Variants in NUBP1 observed in about 807,000 individuals in gnomAD.
NUBP1 encodes the protein cytosolic Fe-S cluster assembly factor NUBP1.
A neutral mutation model predicts 41.8 loss-of-function variants in NUBP1; 46 were observed. The ratio of observed to expected loss-of-function variants is 1.10; its 90% CI spans 0.87 to 1.41. The LOEUF is 1.41. Ranked by LOEUF, NUBP1 falls within the 40% of genes most tolerant of loss-of-function variation. The probability of loss-of-function intolerance (pLI) is 0.00; values close to 1 mark genes in which losing one functional copy is unlikely to be tolerated. For synonymous variants in NUBP1, 189 were observed against 154.6 expected (o/e 1.22, Z -1.65); for missense variants, 494 against 414.0 (o/e 1.19, Z -1.68).
Position 10,768,637 on chromosome 16 carries a change from G to C in NUBP1, c.905-410G>C. On this transcript the variant is annotated intron_variant, in intron 10 of 10. Coordinates refer to ENST00000283027, the MANE Select transcript of NUBP1 (RefSeq NM_002484.4). The surrounding 1 kb of genome is among the most constrained non-coding windows in gnomAD (Gnocchi z 4.3). Reference sequence around the variant, plus strand: ...AATAAAAAATAAAAATAAAAACTTTGTTGAGCCAGACCAAACCCACGTGCA... The same window carrying C: ...AATAAAAAATAAAAATAAAAACTTTCTTGAGCCAGACCAAACCCACGTGCA... The C allele has an allele frequency of 5.8e-6, 1 of 172,178 alleles. No individual in the cohort carries two copies. The highest frequency in any genetic ancestry group is 1.2e-5 in the Non-Finnish European group (1 of 81,944). The allele number at this position is 172,178 out of a possible 1,614,324, so 10.7% of individuals were successfully genotyped here. A position where few individuals can be genotyped will look rare whatever the true frequency, so the allele number is the denominator to read the frequency against.
intron 5 of NUBP1, among the ~76,000 whole-genome samples, 172 bp downstream of exon 5, chr16:10,755,925 G>A (rs1300575000): frequency 6.6e-6 from 1 of 152,208 alleles, no homozygotes; most frequent in African/African-American, 2.4e-5. Context: ...GGACGGTAAA[G>A]ATTTTCAGCA....
chr16:10,747,819 T>G (rs1187108329), intron 3 of NUBP1, among the ~76,000 whole-genome samples: 1 of 152,232 alleles, frequency 6.6e-6, no homozygotes, highest in Non-Finnish European at 1.5e-5. Flanking sequence ...CGTTCACGCT[T>G]CTTTTTCCTC....
At chr16:10,755,541 G>C (rs868778841) in intron 4 of NUBP1, among the ~76,000 whole-genome samples, 180 bp from the exon 5 acceptor site, 1 of 152,210 alleles carries the variant, frequency 6.6e-6, no homozygotes, top group African/African-American at 2.4e-5. Flanking sequence ...GAGTTGAGTT[G>C]CATCTTTATT....
chr16:10,744,043 A>G lies in NUBP1; in HGVS notation c.102A>G (p.Gly34=), dbSNP rs745434799. 3 of 1,576,270 alleles carry G rather than the reference A, an allele frequency of 1.9e-6. No individual in the cohort carries two copies. The highest frequency in any genetic ancestry group is 3.9e-5 in the Admixed American group (2 of 51,574). The change falls in exon 2 of 11, where the codon GGA becomes GGG. Residue 34 remains glycine (G), a synonymous_variant. Coordinates refer to ENST00000283027, the MANE Select transcript of NUBP1 (RefSeq NM_002484.4). ...CCAACCAGCGGCTGTGCGCTTCTGGAGCGGGGGCCACTCCGGACACGGGTG... is the reference window on the plus strand; with the variant it reads ...CCAACCAGCGGCTGTGCGCTTCTGGGGCGGGGGCCACTCCGGACACGGGTG... ...GCPNQRLCAS[G]AGATPDTAIE...
chr16:10,757,066 G>A lies in NUBP1; in HGVS notation c.451+286G>A, dbSNP rs1226782279. Among the ~76,000 whole-genome samples, 4 of 152,146 alleles carry A rather than the reference G, an allele frequency of 2.6e-5. No homozygotes were observed. Among genetic ancestry groups the A allele is most frequent in the Non-Finnish European group, 4.4e-5 (3 of 68,014 alleles). Reference sequence around the variant, plus strand: ...TGTAATCCCAGCACTTTGGGAGGCCGAGGCAGGTGGATCACCTGAGGTCAG... The same window carrying A: ...TGTAATCCCAGCACTTTGGGAGGCCAAGGCAGGTGGATCACCTGAGGTCAG... On this transcript the variant is annotated intron_variant, in intron 6 of 10. Transcript: ENST00000283027. The surrounding 1 kb of genome is among the most constrained non-coding windows in gnomAD (Gnocchi z 4.1).
intron 7 of NUBP1, chr16:10,761,119 A>T: frequency 2.6e-6 from 1 of 387,604 alleles, no homozygotes; most frequent in East Asian, 5.4e-5. Flanking sequence ...GCATGGGGGA[A>T]ACTGCCCCCA....
rs1021529103 is a variant in NUBP1 at position 10,766,442 on chromosome 16, G to GT, written c.821-1506dup. Among the ~76,000 whole-genome samples, 2 of 152,184 alleles carry GT rather than the reference G, an allele frequency of 1.3e-5. No homozygotes were observed. Among genetic ancestry groups the GT allele is most frequent in the Non-Finnish European group, 2.9e-5 (2 of 68,038 alleles). ...AGGGAAAACACTAGAGCATATATGT[G>GT]TGTTGGGGGCTGGGGAGCCCTCTGG... On this transcript the variant is annotated intron_variant, in intron 9 of 10. Coordinates refer to ENST00000283027, the MANE Select transcript of NUBP1 (RefSeq NM_002484.4). The surrounding 1 kb of genome is among the most constrained non-coding windows in gnomAD (Gnocchi z 4.8).
At position 10,757,021 on chromosome 16, in the gene NUBP1, C is replaced by T. The variant is rs914324367; in HGVS notation, c.451+241C>T. Among the ~76,000 whole-genome samples, 5 of 152,136 alleles carry T rather than the reference C, an allele frequency of 3.3e-5. No individual in the cohort carries two copies. Among genetic ancestry groups the T allele is most frequent in the African/African-American group, 1.2e-4 (5 of 41,418 alleles). ...TCCTTAAAAGCTGTAGAACCCTGGT[C>T]GGGTGTGGTAGCTCACGCCTGTAAT... On this transcript the variant is annotated intron_variant, in intron 6 of 10. Transcript: ENST00000283027. This position sits in a 1 kb window ranked among gnomAD's most constrained non-coding sequence, Gnocchi z 4.1.
intron 8 of NUBP1, 32 bp from the exon 9 acceptor site, chr16:10,761,725 T>G: frequency 6.4e-7 from 1 of 1,563,092 alleles, no homozygotes; most frequent in Non-Finnish European, 8.8e-7. Flanking sequence ...GCAAAAAAAT[T>G]ATGTTTCCTC....
rs1210405875 is a variant in NUBP1 at position 10,766,626 on chromosome 16, T to G, written c.821-1323T>G. 4.7e-6 allele frequency: 1 copy of G among 214,926 alleles called. No individual in the cohort carries two copies. Among genetic ancestry groups the G allele is most frequent in the African/African-American group, 2.3e-5 (1 of 43,810 alleles). The allele number at this position is 214,926 out of a possible 1,614,324, so 13.3% of individuals were successfully genotyped here. A position where few individuals can be genotyped will look rare whatever the true frequency, so the allele number is the denominator to read the frequency against. On this transcript the variant is annotated intron_variant, in intron 9 of 10. Coordinates refer to ENST00000283027, the MANE Select transcript of NUBP1 (RefSeq NM_002484.4). The surrounding 1 kb of genome is among the most constrained non-coding windows in gnomAD (Gnocchi z 4.8). ...TGGGCCCAGCGTTAACGGCGGAGGA[T>G]GTCCAGGTTCTTGGTGTCTGGAACA...
intron 4 of NUBP1, among the ~76,000 whole-genome samples, chr16:10,754,468 C>T (rs1900466077): frequency 6.6e-6 from 1 of 151,628 alleles, no homozygotes; most frequent in Non-Finnish European, 1.5e-5. Flanking sequence ...GTCTCGAACT[C>T]CTGACCTCAG....
chr16:10,754,392 G>A (rs973547062), intron 4 of NUBP1, among the ~76,000 whole-genome samples: 15 of 152,072 alleles, frequency 9.9e-5, no homozygotes, highest in African/African-American at 2.9e-4. Context: ...ACAGACACAC[G>A]CCACCACGTC....
rs764083699 is a variant in NUBP1, at chr16:10,767,984, G to A, written c.856G>A (p.Asp286Asn). Residue 286 changes from aspartate (D) to asparagine (N), a missense_variant, in exon 10 of 11, where the codon GAC becomes AAC. Coordinates refer to ENST00000283027, the MANE Select transcript of NUBP1 (RefSeq NM_002484.4). This position sits in a 1 kb window ranked among gnomAD's most constrained non-coding sequence, Gnocchi z 4.6. The part of the protein sequence containing the change: ...NCDKGQSFFI[D>N]APDSPATLAY... The stretch of plus-strand genomic sequence containing the variant: ...TGACAAAGGCCAGTCTTTTTTCATT[G>A]ACGCCCCAGATTCCCCAGCCACGTT... The A allele has an allele frequency of 4.3e-6, 7 of 1,613,900 alleles. No homozygotes were observed. Among genetic ancestry groups the A allele is most frequent in the Non-Finnish European group, 5.1e-6 (6 of 1,179,976 alleles).
At position 10,766,762 on chromosome 16, in the gene NUBP1, G is replaced by C. The variant is rs144218218; in HGVS notation, c.821-1187G>C. The stretch of plus-strand genomic sequence containing the variant: ...CGGGCCTGAGAATAGGGGCTCAAAG[G>C]CCCCATTACAGAGTTTTTGTGTTTA... On this transcript the variant is annotated intron_variant, in intron 9 of 10. Coordinates refer to ENST00000283027, the MANE Select transcript of NUBP1 (RefSeq NM_002484.4). This position sits in a 1 kb window ranked among gnomAD's most constrained non-coding sequence, Gnocchi z 4.8. 1.3e-5 allele frequency: 5 copies of C among 396,160 alleles called. No homozygotes were observed. Among genetic ancestry groups the C allele is most frequent in the African/African-American group, 4.1e-5 (2 of 48,584 alleles). 24.5% of individuals were successfully genotyped at this position (396,160 alleles called of 1,614,324 possible).
At chr16:10,763,495 CCAA>C (rs2030342476) in intron 9 of NUBP1, 1 of 152,236 alleles carries the variant, frequency 6.6e-6, no homozygotes, top group South Asian at 2.1e-4. Flanking sequence ...TGTGATTTCC[CCAA>C]CAACATGCAG....
intron 2 of NUBP1, among the ~76,000 whole-genome samples, chr16:10,744,302 G>T (rs1184961307): frequency 1.3e-5 from 2 of 152,228 alleles, no homozygotes; most frequent in South Asian, 2.1e-4. Flanking sequence ...GAAGGACCTG[G>T]CGCGGATGGA....
At position 10,761,405 on chromosome 16, in the gene NUBP1, C is replaced by A. The variant is rs780130696; in HGVS notation, c.648C>A (p.Cys216Ter). 10 of 1,614,122 alleles carry A rather than the reference C, an allele frequency of 6.2e-6. No homozygotes were observed. The highest frequency in any genetic ancestry group is 8.5e-6 in the Non-Finnish European group (10 of 1,179,992). Residue 216 changes from cysteine (C) to a stop codon, truncating the protein, a stop_gained, in exon 8 of 11, where the codon TGC (cysteine) becomes TGA (stop). Coordinates refer to ENST00000283027, the MANE Select transcript of NUBP1 (RefSeq NM_002484.4). LOFTEE classifies it high-confidence loss of function. ...ATGTCCGGAAAGAAATCAACTTCTG[C>A]CGCAAGGTGAAGCTGCCCATCATCG... Reference protein sequence around the residue: ...LQDVRKEINFCRKVKLPIIGV... With the variant: ...LQDVRKEINF
intron 7 of NUBP1, among the ~76,000 whole-genome samples, chr16:10,758,881 G>A (rs1900751548): frequency 6.6e-6 from 1 of 152,176 alleles, no homozygotes; most frequent in African/African-American, 2.4e-5. Context: ...GGCCCATGGT[G>A]AGCCCGAGCT....
chr16:10,747,111 C>T (rs758356603), intron 2 of NUBP1, 32 bp from the exon 3 acceptor site: 2 of 1,612,124 alleles, frequency 1.2e-6, no homozygotes, highest in South Asian at 2.2e-5. Context: ...TGGTGTGGGA[C>T]CTCATCCCCT....
Sources: gnomAD v4.1 joint callset for allele counts (sites outside exome capture counted in the v4.1 genomes callset) on GRCh38, gnomAD v4.1.1 for gene constraint, Gnocchi (gnomAD v3.1) non-coding constraint, MANE v1.5 for transcripts, NCBI Gene and HGNC (gene_info 2026-07-23, HGNC 2026-07-21) for gene names.